Variants in AXDND1 observed in about 807,000 individuals in gnomAD.
AXDND1 encodes the protein axonemal dynein light chain domain-containing protein 1.
Under a neutral mutation model 137.5 loss-of-function variants are expected in AXDND1, and 110 were observed. The observed-to-expected ratio is 0.80, with a 90% CI of 0.69 to 0.94. The LOEUF (loss-of-function observed/expected upper bound fraction) is 0.94, where lower values mean the gene tolerates loss of function less well. Among genes scored for constraint, AXDND1 ranks in the 40% least tolerant of loss-of-function variants. AXDND1 has a pLI of 0.00. For missense variants in AXDND1, 1,191 were observed against 1,169.8 expected, an observed-to-expected ratio of 1.02 and a Z score of -0.26; for synonymous variants, 414 against 399.7, an observed-to-expected ratio of 1.04 and a Z score of -0.43.
At chr1:179,401,330 A>G (rs1652018824) in intron 11 of AXDND1, among the ~76,000 whole-genome samples, 1 of 152,020 alleles carries the variant, frequency 6.6e-6, no homozygotes. Context: ...GCTAGATATT[A>G]AAATTTTACC....
At chr1:179,529,528 G>A (rs1010613910) in intron 23 of AXDND1, among the ~76,000 whole-genome samples, 1 of 152,226 alleles carries the variant, frequency 6.6e-6, no homozygotes, top group African/African-American at 2.4e-5. Flanking sequence ...GACTGAGTAT[G>A]GCTAGAAACA....
intron 15 of AXDND1, among the ~76,000 whole-genome samples, chr1:179,436,015 C>T (rs1446603943): frequency 6.6e-6 from 1 of 151,944 alleles, no homozygotes; most frequent in African/African-American, 2.4e-5. Flanking sequence ...ACAACCCCCT[C>T]AAAAAGTGGG....
chr1:179,378,116 C>T (rs1038387308), intron 4 of AXDND1, among the ~76,000 whole-genome samples: 1 of 152,058 alleles, frequency 6.6e-6, no homozygotes. Flanking sequence ...TTGTAGTGAG[C>T]TGAGATTTTG....
chr1:179,531,184 G>A (rs577325075), intron 23 of AXDND1, among the ~76,000 whole-genome samples: 30 of 152,202 alleles, frequency 2.0e-4, no homozygotes, highest in African/African-American at 5.8e-4. Flanking sequence ...GGGGCCACAG[G>A]ACTACCTGAG....
chr1:179,539,017 CT>C (rs145090432), intron 25 of AXDND1, among the ~76,000 whole-genome samples: 3,711 of 151,866 alleles, frequency 0.024, 160 homozygotes, highest in African/African-American at 0.084. Context: ...ATTTCAACCC[CT>C]TTTTTTTGTT....
At chr1:179,372,282 A>G (rs1668109017) in intron 4 of AXDND1, among the ~76,000 whole-genome samples, 1 of 152,248 alleles carries the variant, frequency 6.6e-6, no homozygotes, top group African/African-American at 2.4e-5. Flanking sequence ...TAGATATTTT[A>G]AGCAGGAAAG....
At chr1:179,516,955 C>T (rs1218549663) in intron 21 of AXDND1, among the ~76,000 whole-genome samples, 1 of 152,170 alleles carries the variant, frequency 6.6e-6, no homozygotes, top group African/African-American at 2.4e-5. Context: ...TGGCACTTTC[C>T]AAAGAGCATC....
At chr1:179,536,444 C>T (rs1572203485) in intron 25 of AXDND1, among the ~76,000 whole-genome samples, 1 of 152,150 alleles carries the variant, frequency 6.6e-6, no homozygotes, top group Non-Finnish European at 1.5e-5. Flanking sequence ...GGCTAGTTTT[C>T]CCAACACCGT....
In AXDND1 at chr1:179,414,438, T is replaced by TA. The variant is rs1558143291; in HGVS notation, c.1230+3172_1230+3173insA. Among the ~76,000 whole-genome samples the TA allele has an allele frequency of 3.9e-5, 6 of 152,102 alleles. No individual in the cohort carries two copies. The South Asian group carries it at 6.3e-4, about 16-fold the overall frequency. On this transcript the variant is annotated intron_variant, in intron 12 of 25. Transcript: ENST00000367618. Reference sequence around the variant, plus strand: ...TTATTTATTTATTTATTTATTTATTTTTTTGAGATGGAGTCTCGCTCTTTC... The same window carrying TA: ...TTATTTATTTATTTATTTATTTATTTATTTTGAGATGGAGTCTCGCTCTTTC...
chr1:179,403,477 G>A (rs370471548), intron 11 of AXDND1, among the ~76,000 whole-genome samples: 23 of 152,340 alleles, frequency 1.5e-4, no homozygotes, highest in African/African-American at 4.3e-4. Flanking sequence ...TGTACTAAAC[G>A]TGATGGAAAT....
intron 16 of AXDND1, chr1:179,453,284 G>A (rs1476018789): frequency 6.6e-6 from 1 of 152,226 alleles, no homozygotes; most frequent in Admixed American, 6.5e-5. Flanking sequence ...TGAGAAGAGG[G>A]CCACTGTCCT....
At chr1:179,513,839 G>A (rs944451303) in intron 21 of AXDND1, among the ~76,000 whole-genome samples, 1 of 151,848 alleles carries the variant, frequency 6.6e-6, no homozygotes, top group Non-Finnish European at 1.5e-5. Flanking sequence ...AGGTTTTCTA[G>A]TTTATGTGCA....
intron 9 of AXDND1, among the ~76,000 whole-genome samples, chr1:179,387,303 G>A (rs1649377063): frequency 6.6e-6 from 1 of 152,162 alleles, no homozygotes; most frequent in South Asian, 2.1e-4. Flanking sequence ...CCATCATCTG[G>A]TGAGAACCTT....
At chr1:179,499,412 G>A (rs1018371474) in intron 20 of AXDND1, among the ~76,000 whole-genome samples, 5 of 151,914 alleles carry the variant, frequency 3.3e-5, no homozygotes, top group African/African-American at 7.3e-5. Context: ...TTTTATTCAC[G>A]TAAAATGCCC....
At chr1:179,388,792 C>T (rs369594516) in intron 9 of AXDND1, among the ~76,000 whole-genome samples, 2 of 144,014 alleles carry the variant, frequency 1.4e-5, no homozygotes, top group African/African-American at 2.6e-5. Context: ...AGACAGGGTT[C>T]GCCATATTGG....
chr1:179,496,357 A>G (rs988771678), intron 20 of AXDND1, among the ~76,000 whole-genome samples: 1 of 152,046 alleles, frequency 6.6e-6, no homozygotes, highest in Non-Finnish European at 1.5e-5. Flanking sequence ...TTTTTAACTA[A>G]CAAATATAGA....
Position 179,541,691 on chromosome 1 carries a change from AATATGCATGATAAT to A in AXDND1, c.3031+6752_3031+6765del, listed in dbSNP as rs1237476230. ...AATATGCATAATAATATTGCATGAT[AATATGCATGATAAT>A]ATATGCATGATAATATATGCATAAT... On this transcript the variant is annotated intron_variant, in intron 25 of 25. Transcript: ENST00000367618. Among the ~76,000 whole-genome samples the A allele has an allele frequency of 1.9e-4, 27 of 139,722 alleles. No homozygotes were observed. The East Asian group carries it at 2.1e-3, about 11-fold the overall frequency. 91.7% of individuals were successfully genotyped at this position (139,722 alleles called of 152,430 possible). A position where few individuals can be genotyped will look rare whatever the true frequency, so the allele number is the denominator to read the frequency against.
chr1:179,419,671 CAGAG>C (rs1291930140), intron 12 of AXDND1, among the ~76,000 whole-genome samples: 9 of 129,564 alleles, frequency 6.9e-5, no homozygotes, highest in Admixed American at 1.5e-4. Context: ...GGGAGGGAGA[CAGAG>C]AGGGAGAGGG....
At chr1:179,482,879 T>C (rs912199990) in intron 17 of AXDND1, among the ~76,000 whole-genome samples, 4 of 151,288 alleles carry the variant, frequency 2.6e-5, no homozygotes, top group Non-Finnish European at 5.9e-5. Context: ...AGAGCTAATA[T>C]TGAACGTAAG....
Sources: allele counts gnomAD v4.1 joint callset (sites outside exome capture counted in the v4.1 genomes callset), GRCh38; gene constraint gnomAD v4.1.1; transcripts MANE v1.5; gene names NCBI Gene and HGNC (gene_info 2026-07-23, HGNC 2026-07-21).